LAMA5: variants seen among roughly 807,000 people sequenced by gnomAD.
LAMA5 encodes the protein laminin subunit alpha 5.
A neutral mutation model predicts 433.4 loss-of-function variants in LAMA5; 260 were observed. The observed-to-expected ratio is 0.60, with a 90% CI of 0.54 to 0.66. The LOEUF (loss-of-function observed/expected upper bound fraction) is 0.66, where lower values mean the gene tolerates loss of function less well. Ranked by LOEUF, LAMA5 falls within the 30% of genes least tolerant of loss-of-function variation. LAMA5 has a pLI of 0.00. For missense variants in LAMA5, 5,378 were observed against 5,258.5 expected, an observed-to-expected ratio of 1.02 and a Z score of -0.70; for synonymous variants, 2,620 against 2,226.6, an observed-to-expected ratio of 1.18 and a Z score of -4.97.
intron 57 of LAMA5, 85 bp downstream of exon 57, chr20:62,316,586 G>A (rs980408501): frequency 1.3e-5 from 14 of 1,040,236 alleles, no homozygotes; most frequent in Middle Eastern, 3.0e-4. Context: ...CAAACCCCAC[G>A]TGTGCATGTG....
rs1023545462 is a variant in LAMA5 at position 62,324,830 on chromosome 20, A to G, written c.5530-276T>C. 4 of 489,908 alleles carry G rather than the reference A, an allele frequency of 8.2e-6. No individual in the cohort carries two copies. The Admixed American group carries it at 1.4e-4, about 17-fold the overall frequency. The allele number at this position is 489,908 out of a possible 1,614,324, so 30.3% of individuals were successfully genotyped here. A position where few individuals can be genotyped will look rare whatever the true frequency, so the allele number is the denominator to read the frequency against. The stretch of plus-strand genomic sequence containing the variant: ...CAGGCCTTGGGGCTGGTGACCACCC[A>G]CTCCATGTGGACCAGGGCCTACTCT... On this transcript the variant is annotated intron_variant, in intron 41 of 79. Coordinates refer to ENST00000252999, the MANE Select transcript of LAMA5 (RefSeq NM_005560.6). The surrounding 1 kb of genome is among the most constrained non-coding windows in gnomAD (Gnocchi z 4.4).
In LAMA5 at chr20:62,352,228, C is replaced by A; in HGVS notation, c.687+14G>T. ...TCTCCAGCCCCCGTACCGCCCTGCC[C>A]CTCCCCGGCCCACCTCTCCGTTCTC... On this transcript the variant is annotated intron_variant, in intron 4 of 79. Coordinates refer to ENST00000252999, the MANE Select transcript of LAMA5 (RefSeq NM_005560.6). 6.3e-7 allele frequency: 1 copy of A among 1,595,544 alleles called. No individual in the cohort carries two copies.
At position 62,327,918 on chromosome 20, in the gene LAMA5, G is replaced by A. The variant is rs768551124; in HGVS notation, c.4745C>T (p.Ala1582Val). ...GTCACACACGCCAGGCGCAGTGCCC[G>A]CCTCGTGACAGTCACAGGGGCGGCA... ...PRCRPCDCHE[A>V]GTAPGVCDPL... Residue 1582 changes from alanine (A) to valine (V), a missense_variant, in exon 36 of 80, where the codon GCG becomes GTG. Ala to Val is a moderately conservative substitution (Grantham distance 64). Transcript: ENST00000252999. 199 of 1,612,136 alleles carry A rather than the reference G, an allele frequency of 1.2e-4. No individual in the cohort carries two copies. The highest frequency in any genetic ancestry group is 6.0e-4 in the East Asian group (27 of 44,886).
chr20:62,362,788 A>T (rs1308368982), intron 1 of LAMA5, among the ~76,000 whole-genome samples: 1 of 149,284 alleles, frequency 6.7e-6, no homozygotes, highest in Non-Finnish European at 1.5e-5. Flanking sequence ...GAGGAAGACC[A>T]GGGTGGAGAG....
intron 61 of LAMA5, 57 bp downstream of exon 61, chr20:62,314,498 C>T (rs1401302728): frequency 8.1e-6 from 13 of 1,609,352 alleles, no homozygotes; most frequent in South Asian, 5.5e-5. Flanking sequence ...GACCAGGCAC[C>T]GCTCATTTCC....
chr20:62,345,788 C>T (rs774984371), intron 11 of LAMA5, 30 bp downstream of exon 11: 55 of 1,521,980 alleles, frequency 3.6e-5, no homozygotes, highest in Middle Eastern at 1.7e-4. Context: ...CAGGGCAGGC[C>T]GGGGACCTGG....
chr20:62,329,698 C>T, intron 32 of LAMA5, 79 bp downstream of exon 32: 1 of 1,550,540 alleles, frequency 6.4e-7, no homozygotes, highest in Non-Finnish European at 8.8e-7. Flanking sequence ...AAGAGACAGA[C>T]CCAGCCCAAG....
chr20:62,366,926 C>A, intron 1 of LAMA5, 23 bp downstream of exon 1: 2 of 1,251,172 alleles, frequency 1.6e-6, no homozygotes, highest in South Asian at 3.9e-5. Flanking sequence ...GGAGGAAGCC[C>A]CACGGCCCGC....
rs760580113 is a variant in LAMA5 at position 62,313,187 on chromosome 20, G to A, written c.8856C>T (p.Ala2952=). The change falls in exon 65 of 80, where the codon GCC becomes GCT. Residue 2952 remains alanine, a synonymous_variant. Coordinates refer to ENST00000252999, the MANE Select transcript of LAMA5 (RefSeq NM_005560.6). ...DGSYLDGTGF[A]RISFDSQIST... ...TGATCTGACTGTCGAAGCTGATGCG[G>A]GCGAAGCCGGTGCCGTCCAGGTAGG... 9 of 1,574,426 alleles carry A rather than the reference G, an allele frequency of 5.7e-6. No homozygotes were observed. Among genetic ancestry groups the A allele is most frequent in the Non-Finnish European group, 7.7e-6 (9 of 1,164,696 alleles).
At chr20:62,327,178 T>A (rs1034282038) in intron 38 of LAMA5, 55 bp downstream of exon 38, 2 of 1,435,078 alleles carry the variant, frequency 1.4e-6, no homozygotes. Context: ...CCCAACCCTC[T>A]CAGGCGTCCT....
At chr20:62,353,361 AC>A (rs1194444901) in intron 2 of LAMA5, 110 bp from the exon 3 acceptor site, 13 of 751,754 alleles carry the variant, frequency 1.7e-5, no homozygotes, top group Middle Eastern at 2.7e-4. Flanking sequence ...GGGATGTGGC[AC>A]CCTCGCCGCA....
In LAMA5 at chr20:62,320,621, G is replaced by A. The variant is rs981961806; in HGVS notation, c.6697C>T (p.Leu2233=). Residue 2233 remains leucine, a synonymous_variant, in exon 50 of 80, where the codon CTG becomes TTG. Coordinates refer to ENST00000252999, the MANE Select transcript of LAMA5 (RefSeq NM_005560.6). ...LGPRHETAQQ[L]EVLEQQSTSL... ...GTGCTCTGCTGCTCCAGCACCTCCA[G>A]CTGCTGTGCCGTCTCATGGCGGGGG... The A allele has an allele frequency of 5.0e-6, 8 of 1,609,342 alleles. No homozygotes were observed. In the Admixed American group the frequency reaches 6.7e-5, roughly 13 times the overall value.
intron 11 of LAMA5, among the ~76,000 whole-genome samples, chr20:62,339,227 GTTTCTTTT>G (rs1173031748): frequency 8.0e-6 from 1 of 125,522 alleles, no homozygotes; most frequent in African/African-American, 3.0e-5. Context: ...ACAAATTATA[GTTTCTTTT>G]TTTTTTTTTT....
chr20:62,334,857 AC>A (rs1981277223), intron 20 of LAMA5, among the ~76,000 whole-genome samples, 163 bp downstream of exon 20: 1 of 150,822 alleles, frequency 6.6e-6, no homozygotes, highest in African/African-American at 2.4e-5. Flanking sequence ...TGGGAGCTGC[AC>A]CCCCTCTCCC....
chr20:62,311,816 T>TTGGCCCCCCCC, intron 70 of LAMA5, 32 bp from the exon 71 acceptor site: 2 of 1,521,008 alleles, frequency 1.3e-6, no homozygotes, highest in Non-Finnish European at 1.8e-6. Flanking sequence ...GCTCGGTTTT[T>TTGGCCCCCCCC]CCCCACCCTG....
intron 2 of LAMA5, among the ~76,000 whole-genome samples, chr20:62,361,170 C>A (rs2048968781): frequency 6.6e-6 from 1 of 152,176 alleles, no homozygotes; most frequent in African/African-American, 2.4e-5. Context: ...GATGAGGGAC[C>A]CCCAGGCTCC....
chr20:62,335,378 G>T, intron 18 of LAMA5, 109 bp from the exon 19 acceptor site: 1 of 1,073,160 alleles, frequency 9.3e-7, no homozygotes, highest in Non-Finnish European at 1.4e-6. Flanking sequence ...ACACTCACAG[G>T]CTCCAGCACC....
rs1979493806 is a variant in LAMA5 at position 62,327,406 on chromosome 20, A to G, written c.4939T>C (p.Phe1647Leu). The G allele has an allele frequency of 6.3e-7, 1 of 1,587,168 alleles. No individual in the cohort carries two copies. The highest frequency in any genetic ancestry group is 1.7e-5 in the Admixed American group (1 of 58,182). Residue 1647 changes from phenylalanine (F) to leucine (L), a missense_variant and splice_region_variant, in exon 38 of 80, where the codon TTC becomes CTC. Physicochemically the swap from Phe to Leu is conservative, Grantham distance 22 (BLOSUM62 0). Transcript: ENST00000252999. ...CRSSSYTRQEFVDMEGWVLLS... is the reference protein window; with the variant it reads ...CRSSSYTRQELVDMEGWVLLS... ...AGCACCCATCCCTCCATATCCACGA[A>G]CTGTGGGCACACACGTGTGGCTGCA...
intron 17 of LAMA5, 51 bp from the exon 18 acceptor site, chr20:62,336,496 C>A: frequency 6.7e-7 from 1 of 1,493,112 alleles, no homozygotes; most frequent in South Asian, 1.2e-5. Context: ...CTCTCCCACC[C>A]ACAAACCATA....
Sources: gnomAD v4.1 joint callset for allele counts (sites outside exome capture counted in the v4.1 genomes callset) on GRCh38, gnomAD v4.1.1 for gene constraint, Gnocchi (gnomAD v3.1) non-coding constraint, MANE v1.5 for transcripts, NCBI Gene and HGNC (gene_info 2026-07-23, HGNC 2026-07-21) for gene names.